ERC2: variants seen among roughly 807,000 people sequenced by gnomAD.
ERC2 encodes the protein ERC protein 2.
Under a neutral mutation model 114.8 loss-of-function variants are expected in ERC2, and 42 were observed. The observed-to-expected ratio is 0.37, with a 90% CI of 0.29 to 0.47. The LOEUF (loss-of-function observed/expected upper bound fraction) is 0.47. ERC2 is among the 20% of genes least tolerant of loss of function. The pLI is 0.99. For missense variants in ERC2, 939 were observed against 1,150.7 expected (o/e 0.82, Z 2.66); for synonymous variants, 454 against 425.5 (o/e 1.07, Z -0.82).
chr3:55,695,412 T>C (rs188658279), intron 16 of ERC2, among the ~76,000 whole-genome samples: 13 of 152,324 alleles, frequency 8.5e-5, no homozygotes, highest in Admixed American at 7.8e-4. Flanking sequence ...GCCCACCAGC[T>C]ATTAAAAGCT....
chr3:56,077,111 C>T (rs886601850), intron 7 of ERC2, among the ~76,000 whole-genome samples: 3 of 152,206 alleles, frequency 2.0e-5, no homozygotes, highest in Non-Finnish European at 2.9e-5. Flanking sequence ...ATGCTGAATG[C>T]AGTCTAAGCT....
In ERC2 at chr3:55,553,011, A is replaced by ATTTTTTTTTTTTTTTTTTTTTTTTTTTT. The variant is rs66602607; in HGVS notation, c.*40-41763_*40-41736dup. On this transcript the variant is annotated intron_variant, in intron 17 of 17. Transcript: ENST00000288221. Reference sequence around the variant, plus strand: ...GTCGTTATTATTGTGGGGCTTCCAGATTTTTTTTTTTTTTTTTTTTTTTTT... The same window carrying ATTTTTTTTTTTTTTTTTTTTTTTTTTTT: ...GTCGTTATTATTGTGGGGCTTCCAGATTTTTTTTTTTTTTTTTTTTTTTTTTTTTTTTTTTTTTTTTTTTTTTTTTTTT... Among the ~76,000 whole-genome samples, 30 of 55,222 alleles carry ATTTTTTTTTTTTTTTTTTTTTTTTTTTT rather than the reference A, an allele frequency of 5.4e-4. 8 individuals are homozygous for ATTTTTTTTTTTTTTTTTTTTTTTTTTTT. Among genetic ancestry groups the ATTTTTTTTTTTTTTTTTTTTTTTTTTTT allele is most frequent in the Non-Finnish European group, 7.3e-4 (22 of 30,194 alleles). 36.2% of individuals were successfully genotyped at this position (55,222 alleles called of 152,430 possible). A position where few individuals can be genotyped will look rare whatever the true frequency, so the allele number is the denominator to read the frequency against.
chr3:56,197,698 C>G (rs1165421730), intron 3 of ERC2, among the ~76,000 whole-genome samples: 1 of 152,220 alleles, frequency 6.6e-6, no homozygotes, highest in Non-Finnish European at 1.5e-5. Flanking sequence ...TCATTTAAAA[C>G]ACATTGGTCT....
intron 3 of ERC2, among the ~76,000 whole-genome samples, chr3:56,256,156 C>A (rs2052502944): frequency 6.6e-6 from 1 of 152,194 alleles, no homozygotes; most frequent in African/African-American, 2.4e-5. Flanking sequence ...TGAGCCATTA[C>A]CCCTTCCACA....
At chr3:56,355,049 A>C in intron 2 of ERC2, among the ~76,000 whole-genome samples, 1 of 152,058 alleles carries the variant, frequency 6.6e-6, no homozygotes. Flanking sequence ...TAATGCAACC[A>C]CTCTCCCCTT....
At chr3:55,557,359 G>T (rs1232033221) in intron 17 of ERC2, among the ~76,000 whole-genome samples, 2 of 152,182 alleles carry the variant, frequency 1.3e-5, no homozygotes, top group African/African-American at 4.8e-5. Flanking sequence ...AATTCTGCAG[G>T]GTCCTGGCCA....
At chr3:55,922,603 C>T (rs1217734340) in intron 13 of ERC2, among the ~76,000 whole-genome samples, 2 of 152,032 alleles carry the variant, frequency 1.3e-5, no homozygotes, top group Non-Finnish European at 2.9e-5. Flanking sequence ...AATCTTTTTC[C>T]TCTCAGATGT....
At position 55,665,685 on chromosome 3, in the gene ERC2, C is replaced by A. The variant is rs540280144; in HGVS notation, c.*39+18109G>T. 3.9e-5 allele frequency among the ~76,000 whole-genome samples: 6 copies of A among 152,250 alleles called. No individual in the cohort carries two copies. The South Asian group carries it at 1.2e-3, about 32-fold the overall frequency. ...CCAGAAGGAAGTGCGCCTGCCTACA[C>A]CTTGAACAAAGCCTGCAGAACCTTG... On this transcript the variant is annotated intron_variant, in intron 17 of 17. Coordinates refer to ENST00000288221, the MANE Select transcript of ERC2 (RefSeq NM_015576.3).
chr3:55,940,872 T>A (rs1353714206), intron 13 of ERC2, among the ~76,000 whole-genome samples: 1 of 152,190 alleles, frequency 6.6e-6, no homozygotes, highest in African/African-American at 2.4e-5. Flanking sequence ...TTTCTATGTT[T>A]TTGGAGGGGC....
At chr3:55,737,386 T>C (rs568825019) in intron 14 of ERC2, among the ~76,000 whole-genome samples, 1 of 152,256 alleles carries the variant, frequency 6.6e-6, no homozygotes, top group South Asian at 2.1e-4. Context: ...GCTGAGACAA[T>C]AGACATGCTT....
intron 17 of ERC2, among the ~76,000 whole-genome samples, chr3:55,567,397 G>A (rs1023804765): frequency 1.3e-5 from 2 of 152,154 alleles, no homozygotes; most frequent in Admixed American, 6.5e-5. Context: ...TGGAAAGGTG[G>A]GTAGGTACCT....
chr3:56,221,988 A>G (rs1303657411), intron 3 of ERC2, among the ~76,000 whole-genome samples: 1 of 152,210 alleles, frequency 6.6e-6, no homozygotes, highest in East Asian at 1.9e-4. Context: ...TTCTGATTAA[A>G]AAATAAAAAC....
At chr3:56,108,956 ATAAAT>A (rs1289703424) in intron 6 of ERC2, among the ~76,000 whole-genome samples, 4 of 152,344 alleles carry the variant, frequency 2.6e-5, no homozygotes, top group African/African-American at 9.6e-5. Context: ...TTATATTAAG[ATAAAT>A]TAAACAGAAA....
chr3:56,444,195 T>A (rs1206056373), intron 1 of ERC2, among the ~76,000 whole-genome samples: 9 of 151,390 alleles, frequency 5.9e-5, no homozygotes, highest in African/African-American at 2.2e-4. Flanking sequence ...ATGGTCTCGA[T>A]CTCCTGACCT....
chr3:56,453,887 C>T lies in ERC2; in HGVS notation c.-141+14361G>A, dbSNP rs779344348. On this transcript the variant is annotated intron_variant, in intron 1 of 17. Coordinates refer to ENST00000288221, the MANE Select transcript of ERC2 (RefSeq NM_015576.3). ...GTGAATGCCAGCGAGCATCAATGGG[C>T]GTGGGCTGGACCTCGTATGATCAGT... Among the ~76,000 whole-genome samples, 100 of 152,116 alleles carry T rather than the reference C, an allele frequency of 6.6e-4. 1 individual carries two copies. The highest frequency in any genetic ancestry group is 1.2e-4 in the African/African-American group (5 of 41,428).
intron 16 of ERC2, among the ~76,000 whole-genome samples, chr3:55,691,087 G>T (rs2062615824): frequency 1.3e-5 from 2 of 152,112 alleles, no homozygotes; most frequent in African/African-American, 4.8e-5. Flanking sequence ...TACAGCTTCT[G>T]CTCTTAAAAA....
Position 55,562,509 on chromosome 3 carries a change from A to G in ERC2, c.*40-51233T>C, listed in dbSNP as rs1024407194. Among the ~76,000 whole-genome samples, 4 of 152,288 alleles carry G rather than the reference A, an allele frequency of 2.6e-5. No individual in the cohort carries two copies. In the South Asian group the frequency reaches 8.3e-4, roughly 32 times the overall value. Reference sequence around the variant, plus strand: ...AGTTGAGTATTTGTCACTTGAAACTAAGTATCTTAGCTAATAGAAGAAGTA... The same window carrying G: ...AGTTGAGTATTTGTCACTTGAAACTGAGTATCTTAGCTAATAGAAGAAGTA... On this transcript the variant is annotated intron_variant, in intron 17 of 17. Transcript: ENST00000288221.
rs1362860161 is a variant in ERC2 at position 56,250,094 on chromosome 3, G to T, written c.1074+45925C>A. On this transcript the variant is annotated intron_variant, in intron 3 of 17. Transcript: ENST00000288221. Reference sequence around the variant, plus strand: ...GCTGGTCTTGAACTCCTGACCTTGTGATCCACCTGCCTCCGCCTCCCAAAG... The same window carrying T: ...GCTGGTCTTGAACTCCTGACCTTGTTATCCACCTGCCTCCGCCTCCCAAAG... Among the ~76,000 whole-genome samples, 3 of 152,032 alleles carry T rather than the reference G, an allele frequency of 2.0e-5. No individual in the cohort carries two copies. In the East Asian group the frequency reaches 5.8e-4, roughly 29 times the overall value.
intron 7 of ERC2, among the ~76,000 whole-genome samples, chr3:56,050,905 G>T (rs1458829459): frequency 6.6e-6 from 1 of 152,152 alleles, no homozygotes; most frequent in African/African-American, 2.4e-5. Flanking sequence ...TTGCTCATTA[G>T]AAATATTAGG....
Sources: allele counts gnomAD v4.1 joint callset (sites outside exome capture counted in the v4.1 genomes callset), GRCh38; gene constraint gnomAD v4.1.1; transcripts MANE v1.5; gene names NCBI Gene and HGNC (gene_info 2026-07-23, HGNC 2026-07-21).